IL20RB: variants seen among roughly 807,000 people sequenced by gnomAD.
The protein encoded by IL20RB is interleukin-20 receptor subunit beta.
In IL20RB, 21 loss-of-function variants were observed where a neutral mutation model predicts 33.3. That is an observed-to-expected ratio of 0.63 (90% CI 0.45 to 0.91). The LOEUF (loss-of-function observed/expected upper bound fraction) is 0.91, where lower values mean the gene tolerates loss of function less well. IL20RB is among the 40% of genes least tolerant of loss of function. The pLI is 0.00. For synonymous variants in IL20RB, 147 were observed against 146.8 expected, an observed-to-expected ratio of 1.00 and a Z score of -0.01; for missense variants, 345 against 384.8, an observed-to-expected ratio of 0.90 and a Z score of 0.86.
At chr3:136,967,202 T>G (rs910050449) in intron 1 of IL20RB, among the ~76,000 whole-genome samples, 10 of 151,938 alleles carry the variant, frequency 6.6e-5, no homozygotes, top group South Asian at 4.2e-4. Flanking sequence ...TTCTGTAGAT[T>G]TCTATTAGGT....
chr3:136,983,148 C>G (rs1010103371), intron 3 of IL20RB, among the ~76,000 whole-genome samples: 1 of 151,766 alleles, frequency 6.6e-6, no homozygotes, highest in Non-Finnish European at 1.5e-5. Flanking sequence ...TGTGCAGTGG[C>G]GTGATCTCAG....
intron 6 of IL20RB, among the ~76,000 whole-genome samples, chr3:137,002,371 A>C (rs1021741527): frequency 2.0e-5 from 3 of 152,188 alleles, no homozygotes; most frequent in African/African-American, 7.2e-5. Context: ...CAATGGTTGA[A>C]CTAATTTACA....
intron 3 of IL20RB, 40 bp from the exon 4 acceptor site, chr3:136,989,396 CCCTGT>C: frequency 6.2e-7 from 1 of 1,609,992 alleles, no homozygotes; most frequent in African/African-American, 1.3e-5. Flanking sequence ...GGGAAATCAA[CCCTGT>C]CTGGGGCTGG....
At position 136,973,373 on chromosome 3, in the gene IL20RB, C is replaced by G. The variant is rs936410525; in HGVS notation, c.89-7093C>G. Among the ~76,000 whole-genome samples, 58 of 151,468 alleles carry G rather than the reference C, an allele frequency of 3.8e-4. 1 individual carries two copies. The highest frequency in any genetic ancestry group is 2.7e-3 in the Admixed American group (41 of 15,216). ...GGGCATGGTGGCGCATGCCTGTAAT[C>G]CCAGCTACTCAGGAGGCCGAGGCAG... On this transcript the variant is annotated intron_variant, in intron 1 of 6. Transcript: ENST00000329582.
In IL20RB at chr3:136,988,071, G is replaced by A. The variant is rs113982702; in HGVS notation, c.407-1370G>A. ...GTGGGCTGAAGGGCTCCTCAAGTGC[G>A]GCCAAAGTGGGAGCCCAGGCAGAGG... is the stretch of plus-strand genomic sequence containing the variant. On this transcript the variant is annotated intron_variant, in intron 3 of 6. Transcript: ENST00000329582. Among the ~76,000 whole-genome samples the A allele has an allele frequency of 4.5e-3, 689 of 152,346 alleles. 9 individuals are homozygous for A. The highest frequency in any genetic ancestry group is 0.016 in the African/African-American group (657 of 41,592).
intron 1 of IL20RB, among the ~76,000 whole-genome samples, chr3:136,960,002 T>C (rs2108167990): frequency 6.6e-6 from 1 of 152,274 alleles, no homozygotes; most frequent in African/African-American, 2.4e-5. Context: ...CAGTAGATAA[T>C]TGCTTTAGCT....
At chr3:136,961,721 C>A (rs372908557) in intron 1 of IL20RB, among the ~76,000 whole-genome samples, 35 of 152,180 alleles carry the variant, frequency 2.3e-4, no homozygotes, top group African/African-American at 8.4e-4. Flanking sequence ...GATAATGTGC[C>A]AGTACTGGCT....
At chr3:136,962,441 C>T (rs1941245242) in intron 1 of IL20RB, among the ~76,000 whole-genome samples, 1 of 152,092 alleles carries the variant, frequency 6.6e-6, no homozygotes, top group African/African-American at 2.4e-5. Flanking sequence ...TACAAAACAA[C>T]TGGCCAGTAC....
chr3:136,995,648 T>C (rs1418372304), intron 6 of IL20RB, 92 bp downstream of exon 6: 3 of 1,246,120 alleles, frequency 2.4e-6, no homozygotes, highest in South Asian at 1.3e-5. Flanking sequence ...TCCATGTTTC[T>C]ATCATGAGAT....
rs185343012 is a variant in IL20RB at position 136,994,361 on chromosome 3, G to C, written c.683-1053G>C. ...ATGATGTGCTTATTTCACATTGCATGCCTGTATCAAAACATCTCATGTACC... is the reference window on the plus strand; with the variant it reads ...ATGATGTGCTTATTTCACATTGCATCCCTGTATCAAAACATCTCATGTACC... On this transcript the variant is annotated intron_variant, in intron 5 of 6. Transcript: ENST00000329582. Among the ~76,000 whole-genome samples the C allele has an allele frequency of 2.0e-3, 302 of 152,262 alleles. 1 individual carries two copies. Among genetic ancestry groups the C allele is most frequent in the African/African-American group, 6.7e-3 (278 of 41,544 alleles).
chr3:137,005,626 T>G (rs1942335289), intron 6 of IL20RB, among the ~76,000 whole-genome samples: 1 of 152,216 alleles, frequency 6.6e-6, no homozygotes, highest in Non-Finnish European at 1.5e-5. Flanking sequence ...TTGGTAGATC[T>G]TCCTCCATCC....
intron 6 of IL20RB, among the ~76,000 whole-genome samples, chr3:136,996,128 C>T (rs1942121913): frequency 6.6e-6 from 1 of 152,100 alleles, no homozygotes; most frequent in Non-Finnish European, 1.5e-5. Context: ...CTCAGATCCT[C>T]ATGAGGTCAG....
chr3:136,994,521 T>C (rs935620067), intron 5 of IL20RB, among the ~76,000 whole-genome samples: 6 of 152,178 alleles, frequency 3.9e-5, no homozygotes, highest in Non-Finnish European at 7.3e-5. Flanking sequence ...ATGGAAACAA[T>C]GTACAGTGCC....
chr3:136,982,293 T>C lies in IL20RB; in HGVS notation c.349T>C (p.Leu117=), dbSNP rs915146138. 1.9e-6 allele frequency: 3 copies of C among 1,610,198 alleles called. No individual in the cohort carries two copies. The highest frequency in any genetic ancestry group is 2.5e-6 in the Non-Finnish European group (3 of 1,177,140). Residue 117 remains leucine, a synonymous_variant, in exon 3 of 7, where the codon TTG becomes CTG. Transcript: ENST00000329582. The part of the protein sequence containing the change: ...VPYNLRVRAT[L]GSQTSAWSIL... ...ATACAACCTTCGTGTCAGGGCCACA[T>C]TGGGCTCACAGACCTCAGCCTGGAG...
intron 1 of IL20RB, among the ~76,000 whole-genome samples, chr3:136,979,427 A>G (rs1269778566): frequency 6.6e-6 from 1 of 152,190 alleles, no homozygotes; most frequent in African/African-American, 2.4e-5. Context: ...CACCCCCACT[A>G]TGCTGTAGAT....
intron 1 of IL20RB, among the ~76,000 whole-genome samples, chr3:136,960,959 A>G (rs1030051299): frequency 4.6e-5 from 7 of 152,266 alleles, no homozygotes; most frequent in African/African-American, 1.2e-4. Context: ...AGCGTCCTTC[A>G]GAGAAGAGAT....
rs72978775 is a variant in IL20RB, at chr3:136,982,522, A to C, written c.406+172A>C. ...TTTGAAAAATTGCCAACTGCTTTCT[A>C]CATGCTGCTCTCTGTCATGCCCTTT... On this transcript the variant is annotated intron_variant, in intron 3 of 6. Transcript: ENST00000329582. Among the ~76,000 whole-genome samples the C allele has an allele frequency of 4.7e-3, 715 of 152,314 alleles. 12 individuals are homozygous for C. The highest frequency in any genetic ancestry group is 0.016 in the African/African-American group (684 of 41,562).
chr3:136,997,324 C>A (rs1352136389), intron 6 of IL20RB, among the ~76,000 whole-genome samples: 1 of 152,136 alleles, frequency 6.6e-6, no homozygotes, highest in South Asian at 2.1e-4. Context: ...AAACTCCTGA[C>A]CTCATGATCC....
At chr3:136,989,600 C>G in intron 4 of IL20RB, 35 bp downstream of exon 4, 1 of 1,610,906 alleles carries the variant, frequency 6.2e-7, no homozygotes, top group Non-Finnish European at 8.5e-7. Flanking sequence ...GGTCAGGCTT[C>G]GGGAAAGAAG....
Sources: allele counts gnomAD v4.1 joint callset (sites outside exome capture counted in the v4.1 genomes callset), GRCh38; gene constraint gnomAD v4.1.1; transcripts MANE v1.5; gene names NCBI Gene and HGNC (gene_info 2026-07-23, HGNC 2026-07-21).